The following ATP2B1 variants were observed in gnomAD, a reference collection of about 807,000 sequenced individuals.
The protein encoded by ATP2B1 is plasma membrane calcium-transporting ATPase 1.
A neutral mutation model predicts 124.2 loss-of-function variants in ATP2B1; 14 were observed. The ratio of observed to expected loss-of-function variants is 0.11; its 90% confidence interval spans 0.07 to 0.18. ATP2B1 has a LOEUF of 0.18. Ranked by LOEUF, ATP2B1 falls within the 10% of genes least tolerant of loss-of-function variation. The pLI, the probability that ATP2B1 is intolerant of heterozygous loss-of-function variation, is 1.00. For missense variants in ATP2B1, 763 were observed against 1,466.1 expected, an observed-to-expected ratio of 0.52 and a Z score of 7.83; for synonymous variants, 449 against 492.4, an observed-to-expected ratio of 0.91 and a Z score of 1.17.
intron 1 of ATP2B1, among the ~76,000 whole-genome samples, chr12:89,683,653 G>C (rs1889627110): frequency 6.6e-6 from 1 of 152,158 alleles, no homozygotes; most frequent in Non-Finnish European, 1.5e-5. Context: ...GTGTAGAGGA[G>C]AGAACAAGTC....
At chr12:89,602,074 A>G (rs560823681) in intron 18 of ATP2B1, among the ~76,000 whole-genome samples, 4 of 152,326 alleles carry the variant, frequency 2.6e-5, no homozygotes, top group African/African-American at 9.6e-5. Flanking sequence ...ATAAATTCAT[A>G]ATACAGTGCT....
chr12:89,641,968 G>T, intron 3 of ATP2B1, 190 bp downstream of exon 3: 1 of 598,374 alleles, frequency 1.7e-6, no homozygotes, highest in Non-Finnish European at 2.9e-6. Flanking sequence ...ATTGTAAAAG[G>T]GAGGTAACAC....
chr12:89,589,488 A>T lies in ATP2B1; in HGVS notation c.*1496T>A, dbSNP rs1485374938. On this transcript the variant is annotated 3_prime_UTR_variant, in exon 21 of 21. Transcript: ENST00000428670. ...CTTTTCATGTAATCTCATTTTACCT[A>T]ATCTGTTATTTGGCCACTTAAGAAT... The T allele has an allele frequency of 6.6e-6, 1 of 152,152 alleles. No homozygotes were observed. The highest frequency in any genetic ancestry group is 2.4e-5 in the African/African-American group (1 of 41,446). 9.4% of individuals were successfully genotyped at this position (152,152 alleles called of 1,614,324 possible). A position where few individuals can be genotyped will look rare whatever the true frequency, so the allele number is the denominator to read the frequency against.
chr12:89,642,508 CAT>C (rs1427470659), intron 2 of ATP2B1, among the ~76,000 whole-genome samples, 153 bp from the exon 3 acceptor site: 1 of 152,208 alleles, frequency 6.6e-6, no homozygotes, highest in Non-Finnish European at 1.5e-5. Context: ...CACTGAAAAA[CAT>C]GTGCAGGTCT....
At chr12:89,705,943 G>T (rs1892399614) in intron 1 of ATP2B1, among the ~76,000 whole-genome samples, 1 of 152,156 alleles carries the variant, frequency 6.6e-6, no homozygotes, top group Non-Finnish European at 1.5e-5. Context: ...CGGTTTGTAA[G>T]TAAGACTATA....
intron 1 of ATP2B1, among the ~76,000 whole-genome samples, chr12:89,656,500 A>C (rs896794617): frequency 2.0e-5 from 3 of 152,178 alleles, no homozygotes; most frequent in African/African-American, 7.2e-5. Flanking sequence ...ACTTCAAGAA[A>C]GTGAGTTTTC....
Position 89,626,435 on chromosome 12 carries a change from T to C in ATP2B1, c.1129+19A>G. ...CATACTTAAAAATAAAACACTTTAT[T>C]TTCTTCTCTATATCATACCTGCTTT... On this transcript the variant is annotated intron_variant, in intron 8 of 20. Transcript: ENST00000428670. 2 of 1,567,534 alleles carry C rather than the reference T, an allele frequency of 1.3e-6. No homozygotes were observed. Among genetic ancestry groups the C allele is most frequent in the East Asian group, 4.5e-5 (2 of 44,238 alleles).
At chr12:89,655,185 C>G (rs1245280099) in intron 2 of ATP2B1, among the ~76,000 whole-genome samples, 5 of 152,208 alleles carry the variant, frequency 3.3e-5, no homozygotes, top group Admixed American at 6.5e-5. Flanking sequence ...GAAAAACTAA[C>G]TTCCATCTCT....
Position 89,603,944 on chromosome 12 carries a change from C to T in ATP2B1, c.2635-19G>A. ...GTGAGTCCTAGAAAAGATATGTTTC[C>T]TAATAGACATTCACAACTACTCAGG... On this transcript the variant is annotated intron_variant, in intron 16 of 20. Coordinates refer to ENST00000428670, the MANE Select transcript of ATP2B1 (RefSeq NM_001366521.1). This position sits in a 1 kb window ranked among gnomAD's most constrained non-coding sequence, Gnocchi z 4.3. 6.2e-7 allele frequency: 1 copy of T among 1,608,976 alleles called. No individual in the cohort carries two copies.
intron 15 of ATP2B1, among the ~76,000 whole-genome samples, chr12:89,605,076 C>A (rs1054796921): frequency 2.0e-5 from 3 of 152,054 alleles, no homozygotes; most frequent in Admixed American, 2.0e-4. Flanking sequence ...ATCTGACAAA[C>A]ATAATGCTGA....
intron 2 of ATP2B1, among the ~76,000 whole-genome samples, chr12:89,643,437 C>G (rs952581101): frequency 6.6e-6 from 1 of 151,954 alleles, no homozygotes; most frequent in Non-Finnish European, 1.5e-5. Flanking sequence ...TGTTATACTT[C>G]GATTGATATA....
intron 1 of ATP2B1, among the ~76,000 whole-genome samples, chr12:89,656,969 A>C (rs983850141): frequency 6.6e-6 from 1 of 152,192 alleles, no homozygotes; most frequent in East Asian, 1.9e-4. Context: ...TAAAAGTTTG[A>C]GGAATGAATA....
chr12:89,649,288 A>T (rs1342853140), intron 2 of ATP2B1, among the ~76,000 whole-genome samples: 1 of 152,256 alleles, frequency 6.6e-6, no homozygotes, highest in Non-Finnish European at 1.5e-5. Context: ...GAGTAGCCAC[A>T]GGGGCTGCAC....
intron 1 of ATP2B1, among the ~76,000 whole-genome samples, chr12:89,707,275 C>T (rs913638146): frequency 5.9e-5 from 9 of 152,312 alleles, no homozygotes; most frequent in Admixed American, 2.0e-4. Context: ...CACCCTCTGC[C>T]AGATGAGAGC....
upstream of ATP2B1, chr12:89,709,196 G>C (rs894957292): frequency 1.3e-5 from 2 of 151,328 alleles, no homozygotes; most frequent in African/African-American, 4.8e-5. Context: ...TGCCGGGGTA[G>C]GCAGGGGGAG....
intron 20 of ATP2B1, chr12:89,593,444 A>T (rs892730074): frequency 6.6e-6 from 1 of 152,088 alleles, no homozygotes; most frequent in African/African-American, 2.4e-5. Context: ...GCTGCTACTG[A>T]AGATAGAACA....
intron 10 of ATP2B1, among the ~76,000 whole-genome samples, chr12:89,620,675 C>T (rs1325578707): frequency 6.6e-6 from 1 of 152,122 alleles, no homozygotes; most frequent in Non-Finnish European, 1.5e-5. Flanking sequence ...CTTAAAAGTA[C>T]ATTCATTAAA....
chr12:89,607,258 C>T (rs930200904), intron 15 of ATP2B1, among the ~76,000 whole-genome samples: 9 of 152,140 alleles, frequency 5.9e-5, no homozygotes, highest in African/African-American at 1.9e-4. Flanking sequence ...CTTCTAGCTT[C>T]GTATCTCATT....
At chr12:89,626,782 T>G (rs187411318) in intron 7 of ATP2B1, among the ~76,000 whole-genome samples, 167 bp from the exon 8 acceptor site, 1 of 152,176 alleles carries the variant, frequency 6.6e-6, no homozygotes, top group Non-Finnish European at 1.5e-5. Context: ...AAGACAATAG[T>G]GACGTTAGGT....
Sources: gnomAD v4.1 joint callset for allele counts (sites outside exome capture counted in the v4.1 genomes callset) on GRCh38, gnomAD v4.1.1 for gene constraint, Gnocchi (gnomAD v3.1) non-coding constraint, MANE v1.5 for transcripts, NCBI Gene and HGNC (gene_info 2026-07-23, HGNC 2026-07-21) for gene names.